The following DDX19A variants were observed in gnomAD, a reference collection of about 807,000 sequenced individuals.
DDX19A encodes DEAD-box helicase 19A, also known as ATP-dependent RNA helicase DDX19A.
Under a neutral mutation model 60.6 loss-of-function variants are expected in DDX19A, and 12 were observed. That is an observed-to-expected ratio of 0.20 (90% confidence interval 0.13 to 0.32). The LOEUF (loss-of-function observed/expected upper bound fraction) is 0.32. Among genes scored for constraint, DDX19A ranks in the 10% least tolerant of loss-of-function variants. The pLI is 1.00. For synonymous variants in DDX19A, 206 were observed against 218.2 expected (o/e 0.94, Z 0.49); for missense variants, 337 against 600.6 (o/e 0.56, Z 4.59).
At chr16:70,352,154 A>G (rs1964034192) in intron 2 of DDX19A, among the ~76,000 whole-genome samples, 2 of 152,182 alleles carry the variant, frequency 1.3e-5, no homozygotes, top group South Asian at 2.1e-4. Flanking sequence ...CAAAGCAAAT[A>G]TAAGTGTAGA....
chr16:70,370,561 C>T, intron 10 of DDX19A, 176 bp downstream of exon 10: 1 of 1,082,672 alleles, frequency 9.2e-7, no homozygotes, highest in South Asian at 2.5e-5. Context: ...TAAGAACTCA[C>T]ACATGCCAGG....
At chr16:70,362,193 T>C (rs1054420054) in intron 5 of DDX19A, among the ~76,000 whole-genome samples, 13 of 137,274 alleles carry the variant, frequency 9.5e-5, no homozygotes, top group Non-Finnish European at 1.1e-4. Flanking sequence ...AAAACTAAAC[T>C]AAAAATACAA....
chr16:70,356,948 T>TTCA (rs1964210819), intron 4 of DDX19A: 1 of 785,558 alleles, frequency 1.3e-6, no homozygotes, highest in Admixed American at 4.7e-5. Flanking sequence ...GTTTTTTTTT[T>TTCA]ACAAAAAAAA....
intron 2 of DDX19A, among the ~76,000 whole-genome samples, chr16:70,354,275 T>G (rs1028080193): frequency 1.3e-5 from 2 of 152,134 alleles, no homozygotes; most frequent in East Asian, 3.9e-4. Flanking sequence ...CCTTCCCGAA[T>G]AGCTGGGATT....
intron 3 of DDX19A, chr16:70,355,771 G>A: frequency 1.7e-6 from 1 of 585,732 alleles, no homozygotes; most frequent in Middle Eastern, 4.3e-4. Flanking sequence ...AGACCAGCCT[G>A]GGCAACATAC....
chr16:70,365,274 A>C, intron 7 of DDX19A, 143 bp downstream of exon 7: 1 of 514,434 alleles, frequency 1.9e-6, no homozygotes, highest in Non-Finnish European at 3.5e-6. Flanking sequence ...AATCTATTTG[A>C]ATACCTGCTA....
Position 70,370,249 on chromosome 16 carries a change from A to C in DDX19A, c.1047A>C (p.Ala349=). The C allele has an allele frequency of 6.2e-7, 1 of 1,613,880 alleles. No homozygotes were observed. The change falls in exon 10 of 12, where the codon GCA becomes GCC. Residue 349 remains alanine, a synonymous_variant. Coordinates refer to ENST00000302243, the MANE Select transcript of DDX19A (RefSeq NM_018332.5). ...CHTRKTASWL[A]AELSKEGHQV... ...CTCGCAAAACAGCTAGTTGGCTGGC[A>C]GCAGAGCTCTCAAAAGAAGGCCACC...
rs191268334 is a variant in DDX19A at position 70,347,305 on chromosome 16, C to G, written c.57+257C>G. 1,580 of 540,624 alleles carry G rather than the reference C, an allele frequency of 2.9e-3. 7 individuals are homozygous for G. Among genetic ancestry groups the G allele is most frequent in the Non-Finnish European group, 4.5e-3 (1,351 of 301,830 alleles). 33.5% of individuals were successfully genotyped at this position (540,624 alleles called of 1,614,324 possible). A position where few individuals can be genotyped will look rare whatever the true frequency, so the allele number is the denominator to read the frequency against. On this transcript the variant is annotated intron_variant, in intron 1 of 11. Coordinates refer to ENST00000302243, the MANE Select transcript of DDX19A (RefSeq NM_018332.5). ...ATGCATGCTGTCATTCCTCTATTGA[C>G]CTCCTCGGTGACGATTATAAGGAAA... is the stretch of plus-strand genomic sequence containing the variant.
intron 2 of DDX19A, among the ~76,000 whole-genome samples, chr16:70,352,728 C>T (rs1276051649): frequency 2.0e-5 from 3 of 151,340 alleles, no homozygotes; most frequent in South Asian, 2.1e-4. Flanking sequence ...CCTCCACCTC[C>T]GGGGTTCAAG....
intron 5 of DDX19A, chr16:70,364,288 C>G: frequency 4.8e-6 from 2 of 414,254 alleles, no homozygotes; most frequent in Non-Finnish European, 8.8e-6. Flanking sequence ...AACTGGGGTC[C>G]TTTAGCTGTG....
chr16:70,353,240 G>A (rs960799444), intron 2 of DDX19A, among the ~76,000 whole-genome samples: 1 of 151,294 alleles, frequency 6.6e-6, no homozygotes, highest in Non-Finnish European at 1.5e-5. Flanking sequence ...TCTGCATCCC[G>A]AGTAGCTGGG....
intron 5 of DDX19A, 186 bp from the exon 6 acceptor site, chr16:70,364,357 A>G (rs1232334343): frequency 3.4e-6 from 2 of 580,592 alleles, no homozygotes; most frequent in East Asian, 5.7e-5. Context: ...CATTTATTTT[A>G]CAATTTAAGC....
rs774963593 is a variant in DDX19A at position 70,366,012 on chromosome 16, A to G, written c.605-73A>G. The G allele has an allele frequency of 6.8e-6, 11 of 1,608,116 alleles. No homozygotes were observed. The African/African-American group carries it at 1.3e-4, about 20-fold the overall frequency. On this transcript the variant is annotated intron_variant, in intron 7 of 11. Transcript: ENST00000302243. Reference sequence around the variant, plus strand: ...AACTTGTTCTCCTAGTCCTAGAAGGATGGGCAGGGCTTTGATTTCCAGAGC... The same window carrying G: ...AACTTGTTCTCCTAGTCCTAGAAGGGTGGGCAGGGCTTTGATTTCCAGAGC...
chr16:70,365,096 A>G lies in DDX19A; in HGVS notation c.569A>G (p.Glu190Gly). Residue 190 changes from glutamate to glycine, a missense_variant, in exon 7 of 12, where the codon GAA becomes GGA. By Grantham distance (98) the Glu-to-Gly change is moderately conservative. Around this residue, in one of 6 missense-constraint regions of DDX19A, gnomAD observed 62 missense variants for 75.7 expected, o/e 0.82. Coordinates refer to ENST00000302243, the MANE Select transcript of DDX19A (RefSeq NM_018332.5). The stretch of plus-strand genomic sequence containing the variant: ...GAGCAGATGGGCAAATTTTACCCAG[A>G]ACTGAAGCTTGCCTATGCCGTTCGA... ...VIEQMGKFYP[E>G]LKLAYAVRGN... 6.2e-7 allele frequency: 1 copy of G among 1,614,146 alleles called. No individual in the cohort carries two copies. Among genetic ancestry groups the G allele is most frequent in the Non-Finnish European group, 8.5e-7 (1 of 1,179,972 alleles).
At chr16:70,347,151 C>A (rs747463816) in intron 1 of DDX19A, 103 bp downstream of exon 1, 7 of 1,159,346 alleles carry the variant, frequency 6.0e-6, no homozygotes, top group Non-Finnish European at 8.7e-6. Flanking sequence ...CTGGGCAACG[C>A]GCTCCTGCAG....
At chr16:70,364,325 G>A in intron 5 of DDX19A, 1 of 526,598 alleles carries the variant, frequency 1.9e-6, no homozygotes, top group Non-Finnish European at 3.4e-6. Flanking sequence ...GAATTTCTTG[G>A]TGTGAGCCCA....
At chr16:70,350,940 C>G (rs984851985) in intron 2 of DDX19A, among the ~76,000 whole-genome samples, 2 of 151,432 alleles carry the variant, frequency 1.3e-5, no homozygotes, top group African/African-American at 4.8e-5. Flanking sequence ...TGCAGTGGCA[C>G]AATCTTGGCT....
At chr16:70,359,846 T>C (rs555282590) in intron 4 of DDX19A, among the ~76,000 whole-genome samples, 6 of 152,222 alleles carry the variant, frequency 3.9e-5, no homozygotes, top group Admixed American at 2.0e-4. Context: ...AGTGAGAACG[T>C]CTCTCAGAAA....
At chr16:70,358,687 T>C (rs891232327) in intron 4 of DDX19A, among the ~76,000 whole-genome samples, 4 of 151,832 alleles carry the variant, frequency 2.6e-5, no homozygotes, top group Admixed American at 2.0e-4. Flanking sequence ...CTACTAAAAA[T>C]ACAAAAAAAT....
Sources: allele counts gnomAD v4.1 joint callset (sites outside exome capture counted in the v4.1 genomes callset), GRCh38; gene constraint gnomAD v4.1.1; regional missense constraint gnomAD v4.1.1; transcripts MANE v1.5; gene names NCBI Gene and HGNC (gene_info 2026-07-23, HGNC 2026-07-21).